Variants in PMFBP1 observed in about 807,000 individuals in gnomAD.
PMFBP1 encodes the protein polyamine-modulated factor 1-binding protein 1.
In PMFBP1, 131 loss-of-function variants were observed where a neutral mutation model predicts 137.8. That is an observed-to-expected ratio of 0.95 (90% CI 0.82 to 1.10). PMFBP1 has a LOEUF of 1.10. Ranked by LOEUF, PMFBP1 falls within the 50% of genes least tolerant of loss-of-function variation. PMFBP1 has a pLI of 0.00. For synonymous variants in PMFBP1, 490 were observed against 450.4 expected, an observed-to-expected ratio of 1.09 and a Z score of -1.11; for missense variants, 1,199 against 1,175.4, an observed-to-expected ratio of 1.02 and a Z score of -0.29.
the PMFBP1 span, among the ~76,000 whole-genome samples, chr16:72,194,852 A>G: frequency 6.6e-6 from 1 of 152,186 alleles, no homozygotes; most frequent in Non-Finnish European, 1.5e-5. Flanking sequence ...TTAAAAATCC[A>G]TGCTTAATAA....
chr16:72,153,399 T>C (rs1028653666), intron 4 of PMFBP1, among the ~76,000 whole-genome samples: 10 of 152,302 alleles, frequency 6.6e-5, no homozygotes, highest in South Asian at 2.1e-4. Context: ...TTTTTTTTTC[T>C]TCTCCGTCCT....
the PMFBP1 span, among the ~76,000 whole-genome samples, chr16:72,194,232 T>C: frequency 6.6e-6 from 1 of 152,226 alleles, no homozygotes; most frequent in Non-Finnish European, 1.5e-5. Context: ...TAATTATCTA[T>C]GCTCCCTTTC....
chr16:72,219,734 A>T, the PMFBP1 span, among the ~76,000 whole-genome samples: 1 of 152,206 alleles, frequency 6.6e-6, no homozygotes, highest in East Asian at 1.9e-4. Flanking sequence ...TGGAATTATC[A>T]ACATAAAGGC....
chr16:72,166,914 G>A (rs887518622), intron 2 of PMFBP1, among the ~76,000 whole-genome samples: 1 of 152,210 alleles, frequency 6.6e-6, no homozygotes, highest in South Asian at 2.1e-4. Flanking sequence ...CAGGGGATAG[G>A]TGCATGGAAA....
In PMFBP1 at chr16:72,136,469, C is replaced by T; in HGVS notation, c.1182G>A (p.Lys394=). 2 of 1,613,692 alleles carry T rather than the reference C, an allele frequency of 1.2e-6. No homozygotes were observed. Among genetic ancestry groups the T allele is most frequent in the South Asian group, 2.2e-5 (2 of 91,036 alleles). Residue 394 remains lysine, a synonymous_variant, in exon 9 of 21, where the codon AAG becomes AAA. Coordinates refer to ENST00000237353, the MANE Select transcript of PMFBP1 (RefSeq NM_031293.3). ...ELQLEFTETQ[K]LTLKKDKFLQ... ...TTACCTTGTCTTTCTTCAAAGTGAG[C>T]TTTTGGGTCTCGGTGAACTCCAGCT...
At chr16:72,199,526 C>T in the PMFBP1 span, among the ~76,000 whole-genome samples, 4 of 151,762 alleles carry the variant, frequency 2.6e-5, no homozygotes, top group Admixed American at 2.0e-4. Flanking sequence ...TGGTGGTGCA[C>T]TCCTGGAGTC....
chr16:72,126,763 T>G (rs1376318399), intron 14 of PMFBP1, among the ~76,000 whole-genome samples: 2 of 152,246 alleles, frequency 1.3e-5, no homozygotes, highest in African/African-American at 4.8e-5. Flanking sequence ...AAGTCTGTTT[T>G]CAACATCGTA....
At chr16:72,145,082 T>G (rs2042784825) in intron 5 of PMFBP1, among the ~76,000 whole-genome samples, 1 of 152,206 alleles carries the variant, frequency 6.6e-6, no homozygotes. Flanking sequence ...ATATACATTC[T>G]TCTCAGCACC....
chr16:72,140,926 G>GTTTTT (rs1567629530), intron 5 of PMFBP1, among the ~76,000 whole-genome samples: 3 of 83,566 alleles, frequency 3.6e-5, no homozygotes, highest in African/African-American at 5.3e-5. Flanking sequence ...ACACAAATGA[G>GTTTTT]TCTTTTTTTT....
chr16:72,248,140 T>C, the PMFBP1 span, among the ~76,000 whole-genome samples: 2 of 152,158 alleles, frequency 1.3e-5, no homozygotes, highest in South Asian at 4.1e-4. Context: ...TCCAAAATAA[T>C]GGGAGAAAGC....
At chr16:72,210,362 G>A in the PMFBP1 span, among the ~76,000 whole-genome samples, 2 of 152,208 alleles carry the variant, frequency 1.3e-5, no homozygotes, top group Non-Finnish European at 2.9e-5. Context: ...TTTTGGTGTA[G>A]ACAAGTCTGA....
intron 3 of PMFBP1, among the ~76,000 whole-genome samples, chr16:72,161,814 A>T (rs553976122): frequency 6.6e-6 from 1 of 152,296 alleles, no homozygotes; most frequent in South Asian, 2.1e-4. Context: ...CATTTAGAAG[A>T]TTCAGTGAAA....
intron 14 of PMFBP1, among the ~76,000 whole-genome samples, chr16:72,128,203 C>T (rs8044868): frequency 0.49 from 74,928 of 152,078 alleles, 19,808 homozygotes; most frequent in African/African-American, 0.69. Context: ...AAATAAATGA[C>T]GACTGAATTC....
chr16:72,244,190 G>A, the PMFBP1 span, among the ~76,000 whole-genome samples: 5 of 152,140 alleles, frequency 3.3e-5, no homozygotes, highest in East Asian at 9.7e-4. Flanking sequence ...TGATGAAATC[G>A]GTTCAGTCAA....
At chr16:72,123,464 G>T in intron 18 of PMFBP1, 82 bp downstream of exon 18, 3 of 1,185,116 alleles carry the variant, frequency 2.5e-6, no homozygotes, top group Non-Finnish European at 2.5e-6. Flanking sequence ...AGGGGTGTGT[G>T]TGACTAATCT....
chr16:72,137,592 G>T (rs1383647931), intron 7 of PMFBP1, among the ~76,000 whole-genome samples: 1 of 152,154 alleles, frequency 6.6e-6, no homozygotes, highest in Non-Finnish European at 1.5e-5. Context: ...TGGGAACATG[G>T]AGGAGGCAAG....
the PMFBP1 span, chr16:72,224,485 C>T: frequency 1.3e-5 from 2 of 152,328 alleles, no homozygotes; most frequent in African/African-American, 2.4e-5. Flanking sequence ...CTATCTCTCC[C>T]TATCTCCTTT....
At position 72,154,198 on chromosome 16, in the gene PMFBP1, A is replaced by T; in HGVS notation, c.414+13T>A. ...AAGAATGTGGGTTATTTCCATGGTT[A>T]ATCTGTCTATACCTCATCTTCTTTC... On this transcript the variant is annotated intron_variant, in intron 4 of 20. Transcript: ENST00000237353. The T allele has an allele frequency of 6.2e-7, 1 of 1,610,252 alleles. No homozygotes were observed. The highest frequency in any genetic ancestry group is 8.5e-7 in the Non-Finnish European group (1 of 1,177,322).
the PMFBP1 span, among the ~76,000 whole-genome samples, chr16:72,234,668 T>C: frequency 6.6e-6 from 1 of 152,202 alleles, no homozygotes; most frequent in African/African-American, 2.4e-5. Context: ...TACTTTTGCT[T>C]TGCAATAAAC....
Sources: gnomAD v4.1 joint callset for allele counts (sites outside exome capture counted in the v4.1 genomes callset) on GRCh38, gnomAD v4.1.1 for gene constraint, MANE v1.5 for transcripts, NCBI Gene and HGNC (gene_info 2026-07-23, HGNC 2026-07-21) for gene names.